BRAF: variants seen among roughly 807,000 people sequenced by gnomAD.
BRAF encodes the protein serine/threonine-protein kinase B-raf.
In BRAF, 16 loss-of-function variants were observed where a neutral mutation model predicts 104.6. The ratio of observed to expected loss-of-function variants is 0.15; its 90% CI spans 0.10 to 0.23. BRAF has a LOEUF of 0.23. Ranked by LOEUF, BRAF falls within the 10% of genes least tolerant of loss-of-function variation. The pLI is 1.00. For synonymous variants in BRAF, 310 were observed against 341.6 expected (o/e 0.91, Z 1.02); for missense variants, 541 against 937.3 (o/e 0.58, Z 5.52).
chr7:140,830,669 G>A (rs1178831603), intron 3 of BRAF, among the ~76,000 whole-genome samples: 2 of 152,144 alleles, frequency 1.3e-5, no homozygotes, highest in Non-Finnish European at 2.9e-5. Context: ...TGGGGAGGTC[G>A]TGGAGATTGA....
intron 14 of BRAF, among the ~76,000 whole-genome samples, chr7:140,765,844 T>C (rs996707442): frequency 2.0e-5 from 3 of 150,982 alleles, no homozygotes; most frequent in Non-Finnish European, 4.4e-5. Flanking sequence ...ACTTTTACAC[T>C]GTTGGTGGGA....
chr7:140,800,317 G>C (rs1802953842), intron 7 of BRAF, 45 bp downstream of exon 7: 1 of 1,613,206 alleles, frequency 6.2e-7, no homozygotes, highest in African/African-American at 1.3e-5. Flanking sequence ...CCAAAAGAAA[G>C]CGGTTCAAGT....
At chr7:140,805,165 A>G (rs996030741) in intron 5 of BRAF, among the ~76,000 whole-genome samples, 5 of 152,196 alleles carry the variant, frequency 3.3e-5, no homozygotes, top group Non-Finnish European at 7.3e-5. Flanking sequence ...GTTATTGAAA[A>G]TATTTCAAGA....
intron 4 of BRAF, 100 bp downstream of exon 4, chr7:140,808,792 T>C (rs1803923242): frequency 1.0e-6 from 1 of 970,656 alleles, no homozygotes; most frequent in Non-Finnish European, 1.6e-6. Context: ...TAAAGTACAC[T>C]TTCAATTCCC....
chr7:140,715,861 C>T (rs2930325), downstream of BRAF, among the ~76,000 whole-genome samples: 7,793 of 152,242 alleles, frequency 0.051, 248 homozygotes, highest in Non-Finnish European at 0.069. Flanking sequence ...CAAATCTTCA[C>T]ATTATTATTT....
At chr7:140,770,430 G>A (rs1185044190) in intron 14 of BRAF, among the ~76,000 whole-genome samples, 1 of 149,662 alleles carries the variant, frequency 6.7e-6, no homozygotes, top group African/African-American at 2.5e-5. Context: ...ATATCGATAG[G>A]CTGTAACTTT....
intron 1 of BRAF, among the ~76,000 whole-genome samples, chr7:140,883,760 T>C (rs1168507555): frequency 6.6e-6 from 1 of 152,234 alleles, no homozygotes; most frequent in Admixed American, 6.5e-5. Flanking sequence ...GTATGTGCTG[T>C]GTATATAAAA....
At position 140,719,981 on chromosome 7, in the gene BRAF, C is replaced by T. The variant is rs568289880; in HGVS notation, c.*6513G>A. ...AATTCACTGCAGTTCAAACAGGAAG[C>T]ATCTCCCTTTCCTCTCCCTTACAGG... On this transcript the variant is annotated 3_prime_UTR_variant, in exon 20 of 20. Coordinates refer to ENST00000644969, the MANE Select transcript of BRAF (RefSeq NM_001374258.1). 9.4e-6 allele frequency: 10 copies of T among 1,062,704 alleles called. No homozygotes were observed. In the South Asian group the frequency reaches 2.7e-4, roughly 29 times the overall value. The allele number at this position is 1,062,704 out of a possible 1,614,324, so 65.8% of individuals were successfully genotyped here.
chr7:140,866,283 T>A (rs748515873), intron 1 of BRAF, among the ~76,000 whole-genome samples: 23 of 152,226 alleles, frequency 1.5e-4, no homozygotes, highest in Non-Finnish European at 2.4e-4. Flanking sequence ...TGGTCATAAC[T>A]TTCTCTCACT....
chr7:140,787,707 A>C (rs1241939167), intron 8 of BRAF, 123 bp from the exon 9 acceptor site: 1 of 825,144 alleles, frequency 1.2e-6, no homozygotes, highest in Non-Finnish European at 2.0e-6. Context: ...TACATCTTAT[A>C]ACTATTACAC....
Position 140,732,103 on chromosome 7 carries a change from G to A in BRAF, c.2401+2514C>T, listed in dbSNP as rs1297080629. 5.9e-5 allele frequency: 8 copies of A among 135,664 alleles called. No individual in the cohort carries two copies. In the South Asian group the frequency reaches 7.3e-4, roughly 12 times the overall value. 8.4% of individuals were successfully genotyped at this position (135,664 alleles called of 1,614,324 possible). A position where few individuals can be genotyped will look rare whatever the true frequency, so the allele number is the denominator to read the frequency against. On this transcript the variant is annotated intron_variant, in intron 19 of 19. Transcript: ENST00000644969. Reference sequence around the variant, plus strand: ...GGAGAATGGCGTGAACCCGGGAGGCGGAGCTTGCAGTGAGCCGAGATCCCG... The same window carrying A: ...GGAGAATGGCGTGAACCCGGGAGGCAGAGCTTGCAGTGAGCCGAGATCCCG...
chr7:140,876,608 A>G (rs1554419036), intron 1 of BRAF, among the ~76,000 whole-genome samples: 3 of 152,234 alleles, frequency 2.0e-5, no homozygotes, highest in Non-Finnish European at 2.9e-5. Flanking sequence ...AATAGAAAGC[A>G]TAACTAATAT....
intron 13 of BRAF, 67 bp downstream of exon 12, chr7:140,777,924 C>T (rs2129019337): frequency 7.1e-7 from 1 of 1,416,394 alleles, no homozygotes; most frequent in Non-Finnish European, 9.9e-7. Context: ...TAGTTGCTAC[C>T]ACTGGGAACC....
At chr7:140,812,336 A>G (rs986213448) in intron 3 of BRAF, among the ~76,000 whole-genome samples, 1 of 152,062 alleles carries the variant, frequency 6.6e-6, no homozygotes, top group Admixed American at 6.6e-5. Context: ...ACCCATTCTA[A>G]TATATAATCT....
At position 140,723,669 on chromosome 7, in the gene BRAF, T is replaced by A; in HGVS notation, c.*2825A>T. ...CTACACAGTTACAAACAATCCTCTG[T>A]AGTTGCTCTCAAATTTTTCAGAAGG... On this transcript the variant is annotated 3_prime_UTR_variant, in exon 20 of 20. Transcript: ENST00000644969. 1 of 1,050,902 alleles carries A rather than the reference T, an allele frequency of 9.5e-7. No homozygotes were observed. The highest frequency in any genetic ancestry group is 1.7e-5 in the African/African-American group (1 of 60,280). 65.1% of individuals were successfully genotyped at this position (1,050,902 alleles called of 1,614,324 possible). A position where few individuals can be genotyped will look rare whatever the true frequency, so the allele number is the denominator to read the frequency against.
intron 7 of BRAF, among the ~76,000 whole-genome samples, chr7:140,795,985 A>G (rs903755203): frequency 1.3e-5 from 2 of 152,188 alleles, no homozygotes; most frequent in Non-Finnish European, 2.9e-5. Context: ...AAAAGAATGC[A>G]AAAATGACAT....
intron 1 of BRAF, among the ~76,000 whole-genome samples, chr7:140,864,989 G>C (rs561146141): frequency 6.6e-6 from 1 of 152,304 alleles, no homozygotes; most frequent in Non-Finnish European, 1.5e-5. Flanking sequence ...AAGATGACAA[G>C]AGCTGCATTT....
chr7:140,783,264 C>A, intron 10 of BRAF, 107 bp from the exon 10 acceptor site: 2 of 1,387,208 alleles, frequency 1.4e-6, no homozygotes, highest in Non-Finnish European at 2.0e-6. Flanking sequence ...AAATGTAGTG[C>A]ATGTTTAAAT....
At chr7:140,891,220 AC>A (rs1273427305) in intron 1 of BRAF, among the ~76,000 whole-genome samples, 1 of 152,178 alleles carries the variant, frequency 6.6e-6, no homozygotes, top group Non-Finnish European at 1.5e-5. Flanking sequence ...GGAAAAGATA[AC>A]CAGAACTAAA....
Sources: allele counts gnomAD v4.1 joint callset (sites outside exome capture counted in the v4.1 genomes callset), GRCh38; gene constraint gnomAD v4.1.1; transcripts MANE v1.5; gene names NCBI Gene and HGNC (gene_info 2026-07-23, HGNC 2026-07-21).